The following EXOC6B variants were observed in gnomAD, a reference collection of about 807,000 sequenced individuals.
EXOC6B encodes SEC15 homolog B.
Under a neutral mutation model 113.5 loss-of-function variants are expected in EXOC6B, and 54 were observed. That is an observed-to-expected ratio of 0.48 (90% CI 0.38 to 0.60). The LOEUF is 0.60. EXOC6B is among the 20% of genes least tolerant of loss of function. The probability of loss-of-function intolerance (pLI) is 0.00; values close to 1 mark genes in which losing one functional copy is unlikely to be tolerated. For synonymous variants in EXOC6B, 357 were observed against 339.0 expected (o/e 1.05, Z -0.58); for missense variants, 797 against 977.5 (o/e 0.82, Z 2.46).
At chr2:72,650,282 A>C (rs914945263) in intron 6 of EXOC6B, among the ~76,000 whole-genome samples, 8 of 152,206 alleles carry the variant, frequency 5.3e-5, no homozygotes, top group African/African-American at 1.9e-4. Flanking sequence ...CTTGTGCCAG[A>C]AAGTTGGGGA....
chr2:72,504,858 A>G (rs77805701), intron 11 of EXOC6B, among the ~76,000 whole-genome samples: 4,000 of 152,284 alleles, frequency 0.026, 187 homozygotes, highest in African/African-American at 0.091. Context: ...TATACTAAGA[A>G]GACTGAACAC....
At chr2:72,720,406 T>C (rs942888656) in intron 5 of EXOC6B, among the ~76,000 whole-genome samples, 2 of 151,966 alleles carry the variant, frequency 1.3e-5, no homozygotes, top group African/African-American at 2.4e-5. Context: ...GATTCAAAGA[T>C]ACAAATAGGT....
chr2:72,358,229 A>AC (rs1690088391), intron 19 of EXOC6B, among the ~76,000 whole-genome samples: 4 of 152,166 alleles, frequency 2.6e-5, no homozygotes, highest in Admixed American at 2.6e-4. Context: ...TTTAATACTT[A>AC]TAACAACTCT....
intron 6 of EXOC6B, among the ~76,000 whole-genome samples, chr2:72,644,595 A>G (rs539711467): frequency 1.3e-5 from 2 of 152,368 alleles, no homozygotes; most frequent in South Asian, 4.1e-4. Flanking sequence ...ATCTCTCGAC[A>G]GAAACTCTAT....
At chr2:72,713,369 T>G (rs901418138) in intron 6 of EXOC6B, among the ~76,000 whole-genome samples, 17 of 152,178 alleles carry the variant, frequency 1.1e-4, no homozygotes, top group African/African-American at 4.1e-4. Flanking sequence ...CTTAGAAATG[T>G]TTGGAAAAAG....
At chr2:72,317,222 G>A (rs950939411) in intron 20 of EXOC6B, among the ~76,000 whole-genome samples, 11 of 151,836 alleles carry the variant, frequency 7.2e-5, no homozygotes, top group African/African-American at 2.4e-4. Context: ...AATAGCAAGG[G>A]CATAAAACAG....
At chr2:72,795,409 A>G (rs1163869962) in intron 1 of EXOC6B, among the ~76,000 whole-genome samples, 2 of 152,108 alleles carry the variant, frequency 1.3e-5, no homozygotes, top group Non-Finnish European at 2.9e-5. Context: ...CCCCATCTCT[A>G]TTAAAAATAC....
At chr2:72,446,458 T>G (rs1044856486) in intron 18 of EXOC6B, among the ~76,000 whole-genome samples, 9 of 151,692 alleles carry the variant, frequency 5.9e-5, no homozygotes, top group Non-Finnish European at 1.3e-4. Flanking sequence ...AAAAAGAATA[T>G]CATGTCTTTT....
At chr2:72,715,529 G>T (rs963032809) in intron 6 of EXOC6B, among the ~76,000 whole-genome samples, 6 of 150,920 alleles carry the variant, frequency 4.0e-5, no homozygotes, top group Non-Finnish European at 7.4e-5. Context: ...GTGCAGCTAG[G>T]AGCTCAAGAG....
chr2:72,332,059 A>AATAC (rs1381565407), intron 20 of EXOC6B, among the ~76,000 whole-genome samples: 16 of 152,216 alleles, frequency 1.1e-4, no homozygotes, highest in African/African-American at 3.8e-4. Context: ...GCATGCTCAG[A>AATAC]ATACACATAT....
chr2:72,559,410 C>T, intron 8 of EXOC6B, 43 bp downstream of exon 8: 1 of 1,386,162 alleles, frequency 7.2e-7, no homozygotes, highest in South Asian at 1.7e-5. Context: ...AAGTTTTGAA[C>T]TCAATGGACA....
At position 72,775,241 on chromosome 2, in the gene EXOC6B, G is replaced by C. The variant is rs182025413; in HGVS notation, c.114-33772C>G. Among the ~76,000 whole-genome samples, 592 of 152,268 alleles carry C rather than the reference G, an allele frequency of 3.9e-3. 1 individual carries two copies. The highest frequency in any genetic ancestry group is 6.7e-3 in the Non-Finnish European group (453 of 68,014). On this transcript the variant is annotated intron_variant, in intron 1 of 21. Transcript: ENST00000272427. ...GGCTCTCTCCCCTCCCTGGAGGTTG[G>C]GGGAAGAAGTTGAGTATTCCAACCC...
intron 6 of EXOC6B, among the ~76,000 whole-genome samples, chr2:72,682,869 T>C (rs1429535227): frequency 1.3e-5 from 2 of 152,188 alleles, no homozygotes; most frequent in South Asian, 2.1e-4. Context: ...GGATGAGATA[T>C]ATCCACTATA....
At chr2:72,182,773 T>A (rs1159729505) in intron 21 of EXOC6B, 7 of 646,448 alleles carry the variant, frequency 1.1e-5, no homozygotes, top group African/African-American at 1.9e-5. Context: ...AGTAGATTAG[T>A]ATGTCAGGGC....
At chr2:72,578,442 T>C (rs1405714017) in intron 6 of EXOC6B, among the ~76,000 whole-genome samples, 1 of 152,114 alleles carries the variant, frequency 6.6e-6, no homozygotes, top group Non-Finnish European at 1.5e-5. Context: ...AAATTTCCAC[T>C]TCTATATCCT....
rs1414069347 is a variant in EXOC6B, at chr2:72,730,885, CA to C, written c.464+121del. ...AATCTAGAATGAATCAATAAATATACAAAAGGTTAAGATGTTAGAAACTTAA... is the reference window on the plus strand; with the variant it reads ...AATCTAGAATGAATCAATAAATATACAAAGGTTAAGATGTTAGAAACTTAA... On this transcript the variant is annotated intron_variant, in intron 5 of 21. Transcript: ENST00000272427. The C allele has an allele frequency of 1.2e-5, 6 of 485,344 alleles. No individual in the cohort carries two copies. In the African/African-American group the frequency reaches 1.5e-4, roughly 12 times the overall value. 30.1% of individuals were successfully genotyped at this position (485,344 alleles called of 1,614,324 possible). A position where few individuals can be genotyped will look rare whatever the true frequency, so the allele number is the denominator to read the frequency against.
chr2:72,630,240 T>C (rs1672304771), intron 6 of EXOC6B, among the ~76,000 whole-genome samples: 2 of 152,116 alleles, frequency 1.3e-5, no homozygotes, highest in Admixed American at 6.6e-5. Flanking sequence ...ACATGCATCA[T>C]CCTCTAGCCA....
In EXOC6B at chr2:72,390,542, G is replaced by A. The variant is rs573753566; in HGVS notation, c.1981-10672C>T. On this transcript the variant is annotated intron_variant, in intron 18 of 21. Transcript: ENST00000272427. The stretch of plus-strand genomic sequence containing the variant: ...ACTTTGTTAAATTTCCTTAAGGAGG[G>A]TTGGGCTTTGTTATTGCAAACAATT... Among the ~76,000 whole-genome samples the A allele has an allele frequency of 2.6e-5, 4 of 152,280 alleles. No homozygotes were observed. In the South Asian group the frequency reaches 8.3e-4, roughly 32 times the overall value.
At chr2:72,438,859 T>C (rs991282423) in intron 18 of EXOC6B, among the ~76,000 whole-genome samples, 1 of 152,138 alleles carries the variant, frequency 6.6e-6, no homozygotes. Context: ...ATCAGAGAAA[T>C]TGGCTAGGCT....
Sources: gnomAD v4.1 joint callset for allele counts (sites outside exome capture counted in the v4.1 genomes callset) on GRCh38, gnomAD v4.1.1 for gene constraint, MANE v1.5 for transcripts, NCBI Gene and HGNC (gene_info 2026-07-23, HGNC 2026-07-21) for gene names.